Variants in PCGF6 observed in about 807,000 individuals in gnomAD.
PCGF6 encodes polycomb group RING finger protein 6.
Under a neutral mutation model 45.5 loss-of-function variants are expected in PCGF6, and 24 were observed. The ratio of observed to expected loss-of-function variants is 0.53; its 90% CI spans 0.38 to 0.74. The LOEUF (loss-of-function observed/expected upper bound fraction) is 0.74. Ranked by LOEUF, PCGF6 falls within the 30% of genes least tolerant of loss-of-function variation. The probability of loss-of-function intolerance (pLI) is 0.00; values close to 1 mark genes in which losing one functional copy is unlikely to be tolerated. For synonymous variants in PCGF6, 152 were observed against 162.1 expected, an observed-to-expected ratio of 0.94 and a Z score of 0.47; for missense variants, 356 against 443.2, an observed-to-expected ratio of 0.80 and a Z score of 1.77.
chr10:103,317,306 G>C (rs937091191), intron 8 of PCGF6, among the ~76,000 whole-genome samples: 1 of 151,824 alleles, frequency 6.6e-6, no homozygotes, highest in Non-Finnish European at 1.5e-5. Context: ...CCAAATCACC[G>C]GGCCTATGTT....
intron 9 of PCGF6, chr10:103,312,290 G>A (rs2133557465): frequency 6.6e-6 from 1 of 151,760 alleles, no homozygotes; most frequent in African/African-American, 2.4e-5. Context: ...CTACCTGGGA[G>A]GCTGAGGCAG....
intron 9 of PCGF6, among the ~76,000 whole-genome samples, chr10:103,305,483 C>G (rs1046739577): frequency 1.3e-5 from 2 of 152,040 alleles, no homozygotes; most frequent in Non-Finnish European, 2.9e-5. Flanking sequence ...GTTGGCCAGG[C>G]TGGTCCCGAA....
chr10:103,305,850 C>A (rs12252283), intron 9 of PCGF6, among the ~76,000 whole-genome samples: 2,153 of 150,846 alleles, frequency 0.014, 39 homozygotes, highest in African/African-American at 0.044. Flanking sequence ...GAGTTCAAGA[C>A]CAGCCTGGGC....
chr10:103,304,388 T>TGGAGTACAG (rs1364866040), intron 9 of PCGF6, among the ~76,000 whole-genome samples: 1 of 152,244 alleles, frequency 6.6e-6, no homozygotes, highest in Non-Finnish European at 1.5e-5. Flanking sequence ...TTGCCCAGGC[T>TGGAGTACAG]GGAGTACAGT....
At position 103,348,902 on chromosome 10, in the gene PCGF6, G is replaced by T; in HGVS notation, c.458C>A (p.Thr153Asn). Reference sequence around the variant, plus strand: ...AGAAATGTGATCGGTATGCTTACAGGTATGAAGACATTCTGTGATGGTAGT... The same window carrying T: ...AGAAATGTGATCGGTATGCTTACAGTTATGAAGACATTCTGTGATGGTAGT... ...DATTITECLH[T>N]FCKSCIVRHF... The change falls in exon 2 of 10, where the codon ACC becomes AAC. Residue 153 changes from threonine (T) to asparagine (N), a missense_variant and splice_region_variant. This residue lies in a region of PCGF6 where 307 missense variants were observed against 350.1 expected (regional missense o/e 0.88). Coordinates refer to ENST00000369847, the MANE Select transcript of PCGF6 (RefSeq NM_001011663.2). 3 of 1,610,442 alleles carry T rather than the reference G, an allele frequency of 1.9e-6. No homozygotes were observed. The highest frequency in any genetic ancestry group is 2.5e-6 in the Non-Finnish European group (3 of 1,176,828).
intron 8 of PCGF6, 108 bp downstream of exon 8, chr10:103,326,426 A>G: frequency 1.4e-6 from 1 of 719,422 alleles, no homozygotes. Context: ...CAACATCATA[A>G]AACAAAAATA....
intron 6 of PCGF6, among the ~76,000 whole-genome samples, chr10:103,337,600 A>AG (rs1198099211): frequency 6.6e-6 from 1 of 152,162 alleles, no homozygotes; most frequent in African/African-American, 2.4e-5. Context: ...CTTTACACAT[A>AG]GAAACTATAG....
At position 103,333,950 on chromosome 10, in the gene PCGF6, G is replaced by A; in HGVS notation, c.785C>T (p.Ala262Val). ...CTTAAAATGTCCCGTGCCTTCATTA[G>A]CACTGAAAAATGAGAGCAAAATTAA... is the stretch of plus-strand genomic sequence containing the variant. ...DMSLLLEFIG[A>V]NEGTGHFKPL... The change falls in exon 7 of 10, where the codon GCT becomes GTT. Residue 262 changes from alanine to valine, a missense_variant and splice_region_variant. Coordinates refer to ENST00000369847, the MANE Select transcript of PCGF6 (RefSeq NM_001011663.2). 1 of 1,541,252 alleles carries A rather than the reference G, an allele frequency of 6.5e-7. No homozygotes were observed. The highest frequency in any genetic ancestry group is 8.7e-7 in the Non-Finnish European group (1 of 1,148,046).
At chr10:103,312,284 C>T (rs769414203) in intron 9 of PCGF6, among the ~76,000 whole-genome samples, 17 of 150,742 alleles carry the variant, frequency 1.1e-4, no homozygotes, top group African/African-American at 4.1e-4. Flanking sequence ...TCCCAGCTAC[C>T]TGGGAGGCTG....
chr10:103,326,523 A>G lies in PCGF6; in HGVS notation c.909+11T>C. The G allele has an allele frequency of 6.3e-7, 1 of 1,577,272 alleles. No homozygotes were observed. The highest frequency in any genetic ancestry group is 8.6e-7 in the Non-Finnish European group (1 of 1,157,056). On this transcript the variant is annotated intron_variant, in intron 8 of 9. Transcript: ENST00000369847. ...CAACTTTACCTATTCTTTTACATAT[A>G]TGTACTGTACCTGACAAGCTGGATC... is the stretch of plus-strand genomic sequence containing the variant.
chr10:103,308,645 A>C (rs988757932), intron 9 of PCGF6, among the ~76,000 whole-genome samples: 2 of 152,004 alleles, frequency 1.3e-5, no homozygotes, highest in Non-Finnish European at 2.9e-5. Context: ...GCTGAGGCAG[A>C]AAGATTGCCT....
chr10:103,323,330 G>A (rs967055188), intron 8 of PCGF6, among the ~76,000 whole-genome samples: 2 of 151,862 alleles, frequency 1.3e-5, no homozygotes, highest in Non-Finnish European at 2.9e-5. Flanking sequence ...GAGTTTTGCT[G>A]TTGTTGCCCA....
At chr10:103,345,853 T>G (rs1302660559) in intron 5 of PCGF6, among the ~76,000 whole-genome samples, 2 of 147,878 alleles carry the variant, frequency 1.4e-5, no homozygotes, top group African/African-American at 2.5e-5. Context: ...AACTGAGGCT[T>G]AGAGAGAGTA....
intron 9 of PCGF6, among the ~76,000 whole-genome samples, chr10:103,311,068 T>C (rs1205856092): frequency 6.6e-6 from 1 of 152,104 alleles, no homozygotes; most frequent in African/African-American, 2.4e-5. Flanking sequence ...ACTCCTGGGG[T>C]CAAATGATCC....
At chr10:103,326,125 C>T (rs192515408) in intron 8 of PCGF6, among the ~76,000 whole-genome samples, 72 of 152,146 alleles carry the variant, frequency 4.7e-4, no homozygotes, top group African/African-American at 1.5e-3. Flanking sequence ...TGTCCAGGCG[C>T]GGTGGCTCAT....
intron 3 of PCGF6, 131 bp from the exon 4 acceptor site, chr10:103,347,581 T>C (rs1489583007): frequency 5.9e-6 from 4 of 676,128 alleles, no homozygotes; most frequent in South Asian, 2.0e-5. Flanking sequence ...TTAAGTAGCA[T>C]TTACAGTTCC....
chr10:103,315,846 T>C (rs2093173135), intron 8 of PCGF6, among the ~76,000 whole-genome samples: 1 of 152,130 alleles, frequency 6.6e-6, no homozygotes, highest in Non-Finnish European at 1.5e-5. Flanking sequence ...TATTGTTGTA[T>C]ATATACATTT....
At chr10:103,307,763 A>G (rs2093143041) in intron 9 of PCGF6, among the ~76,000 whole-genome samples, 1 of 152,156 alleles carries the variant, frequency 6.6e-6, no homozygotes, top group African/African-American at 2.4e-5. Flanking sequence ...GTGAGACATC[A>G]TGCCTAACCT....
intron 6 of PCGF6, among the ~76,000 whole-genome samples, chr10:103,335,691 G>A (rs372823840): frequency 2.6e-4 from 39 of 152,050 alleles, no homozygotes; most frequent in African/African-American, 8.2e-4. Context: ...AAATAGGCTG[G>A]GCGAGGTGGC....
Sources: gnomAD v4.1 joint callset for allele counts (sites outside exome capture counted in the v4.1 genomes callset) on GRCh38, gnomAD v4.1.1 for gene constraint, gnomAD v4.1.1 regional missense constraint, MANE v1.5 for transcripts, NCBI Gene and HGNC (gene_info 2026-07-23, HGNC 2026-07-21) for gene names.